Variants in MYPN observed in about 807,000 individuals in gnomAD.
MYPN encodes myopalladin, also known as sarcomeric protein myopalladin, 145 kDa (MYOP).
A neutral mutation model predicts 129.4 loss-of-function variants in MYPN; 63 were observed. The observed-to-expected ratio is 0.49, with a 90% CI of 0.40 to 0.60. The LOEUF (loss-of-function observed/expected upper bound fraction) is 0.60. MYPN is among the 20% of genes least tolerant of loss of function. The pLI is 0.00. For missense variants in MYPN, 1,596 were observed against 1,635.4 expected, an observed-to-expected ratio of 0.98 and a Z score of 0.42; for synonymous variants, 629 against 600.9, an observed-to-expected ratio of 1.05 and a Z score of -0.68.
chr10:68,200,838 A>T (rs1470706333), intron 17 of MYPN, among the ~76,000 whole-genome samples: 1 of 152,066 alleles, frequency 6.6e-6, no homozygotes, highest in Non-Finnish European at 1.5e-5. Context: ...TCCCCTGTAT[A>T]TCTTTTTCCT....
upstream of MYPN, chr10:68,106,162 A>G (rs1284093095): frequency 6.6e-6 from 3 of 453,884 alleles, no homozygotes; most frequent in Non-Finnish European, 8.8e-6. Context: ...TTGATATAGG[A>G]ATGGTGCTTC....
chr10:68,090,614 A>G (rs1312221033), intron 1 of MYPN, among the ~76,000 whole-genome samples: 2 of 152,208 alleles, frequency 1.3e-5, no homozygotes, highest in Non-Finnish European at 2.9e-5. Flanking sequence ...TGAACTATCA[A>G]TTATAATCTT....
intron 18 of MYPN, among the ~76,000 whole-genome samples, chr10:68,204,591 G>A (rs1268203425): frequency 6.6e-6 from 1 of 152,084 alleles, no homozygotes; most frequent in Non-Finnish European, 1.5e-5. Flanking sequence ...GGTGGCATGT[G>A]CCTGTAATCC....
intron 5 of MYPN, 101 bp from the exon 6 acceptor site, chr10:68,149,939 G>T: frequency 9.3e-7 from 1 of 1,071,032 alleles, no homozygotes; most frequent in Non-Finnish European, 1.4e-6. Flanking sequence ...TTTTTGGTTT[G>T]GGATGCATTT....
chr10:68,091,020 A>G (rs1033951505), intron 1 of MYPN, among the ~76,000 whole-genome samples: 1 of 152,214 alleles, frequency 6.6e-6, no homozygotes, highest in Non-Finnish European at 1.5e-5. Flanking sequence ...CAGAATTCCA[A>G]TTTGTTAATT....
chr10:68,101,265 G>T (rs1174834405), upstream of MYPN, among the ~76,000 whole-genome samples: 1 of 152,204 alleles, frequency 6.6e-6, no homozygotes, highest in Admixed American at 6.5e-5. Context: ...TTACATAAGT[G>T]GAAGTGACAG....
intron 1 of MYPN, among the ~76,000 whole-genome samples, chr10:68,110,802 G>A (rs2042071575): frequency 6.6e-6 from 1 of 152,098 alleles, no homozygotes. Context: ...TCCGACACAT[G>A]ATTTGACAAC....
chr10:68,141,875 A>G (rs1378415509), intron 2 of MYPN, among the ~76,000 whole-genome samples: 1 of 152,182 alleles, frequency 6.6e-6, no homozygotes, highest in Non-Finnish European at 1.5e-5. Flanking sequence ...ATTCAATTAT[A>G]TATCTTGGGA....
intron 13 of MYPN, 137 bp from the exon 14 acceptor site, chr10:68,194,226 A>T: frequency 2.5e-6 from 2 of 809,400 alleles, no homozygotes; most frequent in Non-Finnish European, 4.0e-6. Flanking sequence ...AATATGTTTT[A>T]TAACTTTTTT....
upstream of MYPN, chr10:68,109,349 G>A: frequency 3.1e-6 from 1 of 320,760 alleles, no homozygotes; most frequent in South Asian, 2.7e-5. Context: ...AAATTCTATA[G>A]GTAAAAGAAC....
chr10:68,161,038 C>T (rs1008252611), intron 7 of MYPN, among the ~76,000 whole-genome samples: 14 of 152,222 alleles, frequency 9.2e-5, no homozygotes, highest in Non-Finnish European at 2.1e-4. Context: ...AAGCCAAGAA[C>T]AATCTCTCAA....
upstream of MYPN, among the ~76,000 whole-genome samples, chr10:68,101,979 C>T (rs2041983954): frequency 6.6e-6 from 1 of 152,062 alleles, no homozygotes; most frequent in South Asian, 2.1e-4. Context: ...TACTTTATCA[C>T]ATTGTCATCT....
upstream of MYPN, among the ~76,000 whole-genome samples, chr10:68,105,035 C>T (rs942531815): frequency 2.0e-5 from 3 of 152,192 alleles, no homozygotes; most frequent in African/African-American, 7.2e-5. Flanking sequence ...CCACCCGCCT[C>T]AGCCTGCAAA....
intron 6 of MYPN, among the ~76,000 whole-genome samples, chr10:68,150,949 C>T (rs1206122848): frequency 6.6e-6 from 1 of 152,160 alleles, no homozygotes; most frequent in African/African-American, 2.4e-5. Context: ...TGGTTTAGAG[C>T]AATGGTTCTC....
At chr10:68,205,975 A>G (rs187148240) in intron 18 of MYPN, among the ~76,000 whole-genome samples, 130 of 152,276 alleles carry the variant, frequency 8.5e-4, no homozygotes, top group Non-Finnish European at 1.5e-3. Context: ...ATAACTTTCA[A>G]TGAAAGGTAA....
At chr10:68,094,423 G>A (rs1163242471) in intron 1 of MYPN, among the ~76,000 whole-genome samples, 2 of 151,170 alleles carry the variant, frequency 1.3e-5, no homozygotes, top group Non-Finnish European at 2.9e-5. Context: ...CTGCCACCAC[G>A]CCCAATATTT....
upstream of MYPN, chr10:68,106,288 G>GTTTT: frequency 9.0e-6 from 3 of 334,256 alleles, no homozygotes; most frequent in Non-Finnish European, 1.2e-5. Context: ...TGAACTTTTA[G>GTTTT]TTTTTTTTTT....
chr10:68,094,450 C>T (rs2041946397), intron 1 of MYPN, among the ~76,000 whole-genome samples: 1 of 151,446 alleles, frequency 6.6e-6, no homozygotes. Context: ...TTAGTAGAGA[C>T]GGGGTTTCAC....
chr10:68,103,989 T>C (rs2041994607), upstream of MYPN, among the ~76,000 whole-genome samples: 1 of 152,196 alleles, frequency 6.6e-6, no homozygotes, highest in Admixed American at 6.6e-5. Context: ...GGTTTGAATC[T>C]ACTCAACTGT....
Sources: gnomAD v4.1 joint callset for allele counts (sites outside exome capture counted in the v4.1 genomes callset) on GRCh38, gnomAD v4.1.1 for gene constraint, MANE v1.5 for transcripts, NCBI Gene and HGNC (gene_info 2026-07-23, HGNC 2026-07-21) for gene names.